The following PLEKHH1 variants were observed in gnomAD, a reference collection of about 807,000 sequenced individuals.
The protein encoded by PLEKHH1 is pleckstrin homology domain-containing family H member 1.
Under a neutral mutation model 160.0 loss-of-function variants are expected in PLEKHH1, and 104 were observed. The observed-to-expected ratio is 0.65, with a 90% confidence interval of 0.55 to 0.76. PLEKHH1 has a LOEUF of 0.76. PLEKHH1 is among the 30% of genes least tolerant of loss of function. The pLI is 0.00. For synonymous variants in PLEKHH1, 619 were observed against 678.4 expected, an observed-to-expected ratio of 0.91 and a Z score of 1.36; for missense variants, 1,427 against 1,724.1, an observed-to-expected ratio of 0.83 and a Z score of 3.05.
rs1369386560 is a variant in PLEKHH1, at chr14:67,582,968, G to T, written c.3426+758G>T. ...CTTCATAAACCATCAGACCTTCTAA[G>T]TAGACTTAGGAAGAGGAACACACAT... On this transcript the variant is annotated intron_variant, in intron 24 of 28. Coordinates refer to ENST00000329153, the MANE Select transcript of PLEKHH1 (RefSeq NM_020715.3). This position sits in a 1 kb window ranked among gnomAD's most constrained non-coding sequence, Gnocchi z 5.0. Among the ~76,000 whole-genome samples the T allele has an allele frequency of 1.3e-5, 2 of 152,194 alleles. No homozygotes were observed. Among genetic ancestry groups the T allele is most frequent in the Non-Finnish European group, 2.9e-5 (2 of 68,036 alleles).
chr14:67,567,998 C>T (rs924940539), intron 7 of PLEKHH1, among the ~76,000 whole-genome samples: 6 of 152,350 alleles, frequency 3.9e-5, no homozygotes, highest in Non-Finnish European at 7.3e-5. Context: ...GACCCAGGGG[C>T]CCCCTCAGGA....
rs1179528092 is a variant in PLEKHH1, at chr14:67,562,172, C to A, written c.541C>A (p.Pro181Thr). 1 of 1,610,702 alleles carries A rather than the reference C, an allele frequency of 6.2e-7. No homozygotes were observed. The highest frequency in any genetic ancestry group is 1.1e-5 in the South Asian group (1 of 90,744). ...AGCTCCTTCACGGAAGCTGCTGGTG[C>A]CCCCCTACGGAGCTGCAGAGCAGGA... ...QIAPSRKLLV[P>T]PYGAAEQDSV... is the part of the protein sequence containing the mutation. Residue 181 changes from proline to threonine, a missense_variant, in exon 7 of 29, where the codon CCC becomes ACC. Coordinates refer to ENST00000329153, the MANE Select transcript of PLEKHH1 (RefSeq NM_020715.3).
intron 4 of PLEKHH1, among the ~76,000 whole-genome samples, chr14:67,557,759 T>C (rs1459033711): frequency 6.6e-6 from 1 of 152,234 alleles, no homozygotes; most frequent in Admixed American, 6.5e-5. Context: ...AAACACCTCA[T>C]AGAGCTGCTG....
chr14:67,544,398 G>A (rs981569444), intron 2 of PLEKHH1, among the ~76,000 whole-genome samples: 1 of 152,118 alleles, frequency 6.6e-6, no homozygotes, highest in Non-Finnish European at 1.5e-5. Context: ...CCTCTCTGGA[G>A]ACACAAGACC....
In PLEKHH1 at chr14:67,587,327, C is replaced by A; in HGVS notation, c.*92C>A. On this transcript the variant is annotated 3_prime_UTR_variant, in exon 29 of 29. Transcript: ENST00000329153. Reference sequence around the variant, plus strand: ...TATGATACTACTGTGACGGGTCTAACAGCCCCCGGCTACTCTTGTTCTGTG... The same window carrying A: ...TATGATACTACTGTGACGGGTCTAAAAGCCCCCGGCTACTCTTGTTCTGTG... 1 of 1,367,808 alleles carries A rather than the reference C, an allele frequency of 7.3e-7. No individual in the cohort carries two copies. The highest frequency in any genetic ancestry group is 1.0e-6 in the Non-Finnish European group (1 of 955,890). The allele number at this position is 1,367,808 out of a possible 1,614,324, so 84.7% of individuals were successfully genotyped here. A position where few individuals can be genotyped will look rare whatever the true frequency, so the allele number is the denominator to read the frequency against.
chr14:67,587,139 C>A lies in PLEKHH1; in HGVS notation c.3999C>A (p.Pro1333=), dbSNP rs754449846. 37 of 1,613,856 alleles carry A rather than the reference C, an allele frequency of 2.3e-5. No homozygotes were observed. The African/African-American group carries it at 3.1e-4, about 13-fold the overall frequency. ...ATTGCACTACAACTGTGAACCCCCC[C>A]ACCAACCCACCCGGAGCCTGCCAGC... ...MNHCTTTVNP[P]TNPPGACQLW... Residue 1333 remains proline (P), a synonymous_variant, in exon 29 of 29, where the codon CCC becomes CCA. Coordinates refer to ENST00000329153, the MANE Select transcript of PLEKHH1 (RefSeq NM_020715.3).
At position 67,579,847 on chromosome 14, in the gene PLEKHH1, C is replaced by A; in HGVS notation, c.3154C>A (p.Leu1052Met). The A allele has an allele frequency of 6.2e-7, 1 of 1,605,472 alleles. No individual in the cohort carries two copies. The change falls in exon 22 of 29, where the codon CTG becomes ATG. Residue 1052 changes from leucine to methionine, a missense_variant. By Grantham distance (15) the Leu-to-Met change is conservative. Transcript: ENST00000329153. ...CACGGACGATCCCTCGGGCAGGGAC[C>A]TGGAGCACTGCCTGCAGGGAAGTGT... ...LFTDDPSGRD[L>M]EHCLQGSVKI... is the part of the protein sequence containing the mutation.
chr14:67,550,225 G>C (rs951087707), intron 2 of PLEKHH1, among the ~76,000 whole-genome samples: 4 of 150,608 alleles, frequency 2.7e-5, no homozygotes, highest in African/African-American at 9.8e-5. Context: ...GTCTCACTCT[G>C]TTGCCCAAGC....
rs760592257 is a variant in PLEKHH1 at position 67,541,909 on chromosome 14, G to A, written c.42G>A (p.Trp14Ter). The change falls in exon 2 of 29, where the codon TGG becomes TGA. Residue 14 changes from tryptophan (W) to a stop codon, truncating the protein, a stop_gained. Coordinates refer to ENST00000329153, the MANE Select transcript of PLEKHH1 (RefSeq NM_020715.3). LOFTEE classifies it high-confidence loss of function. ...TGGAGGCGCCGGCCAGCGTAGACTGGCAGAAACGCTGCCTGACCCTGGAAA... is the reference window on the plus strand; with the variant it reads ...TGGAGGCGCCGGCCAGCGTAGACTGACAGAAACGCTGCCTGACCCTGGAAA... ...LKVEAPASVD[W>*]QKRCLTLETQ... 16 of 1,604,642 alleles carry A rather than the reference G, an allele frequency of 1.0e-5. No individual in the cohort carries two copies. The highest frequency in any genetic ancestry group is 2.2e-5 in the East Asian group (1 of 44,522).
In PLEKHH1 at chr14:67,541,905, A is replaced by C. The variant is rs772068473; in HGVS notation, c.38A>C (p.Asp13Ala). The C allele has an allele frequency of 2.5e-6, 4 of 1,604,348 alleles. No homozygotes were observed. The Admixed American group carries it at 6.8e-5, about 27-fold the overall frequency. Reference sequence around the variant, plus strand: ...AAGGTGGAGGCGCCGGCCAGCGTAGACTGGCAGAAACGCTGCCTGACCCTG... The same window carrying C: ...AAGGTGGAGGCGCCGGCCAGCGTAGCCTGGCAGAAACGCTGCCTGACCCTG... ...ELKVEAPASV[D>A]WQKRCLTLET... is the part of the protein sequence containing the mutation. Residue 13 changes from aspartate to alanine, a missense_variant, in exon 2 of 29, where the codon GAC (aspartate) becomes GCC (alanine). Around this residue, in one of 6 missense-constraint regions of PLEKHH1, gnomAD observed 831 missense variants for 929.2 expected, o/e 0.89. Coordinates refer to ENST00000329153, the MANE Select transcript of PLEKHH1 (RefSeq NM_020715.3).
rs72721034 is a variant in PLEKHH1 at position 67,559,874 on chromosome 14, G to A, written c.423+183G>A. Among the ~76,000 whole-genome samples, 728 of 152,194 alleles carry A rather than the reference G, an allele frequency of 4.8e-3. 5 individuals are homozygous for A. The highest frequency in any genetic ancestry group is 7.6e-3 in the Non-Finnish European group (516 of 68,026). On this transcript the variant is annotated intron_variant, in intron 5 of 28. Coordinates refer to ENST00000329153, the MANE Select transcript of PLEKHH1 (RefSeq NM_020715.3). ...TTCACTTCCCCTTTCCTTTTGTCTTGGTTGGGTCTCCCTGGAGCTCCTGAC... is the reference window on the plus strand; with the variant it reads ...TTCACTTCCCCTTTCCTTTTGTCTTAGTTGGGTCTCCCTGGAGCTCCTGAC...
intron 7 of PLEKHH1, among the ~76,000 whole-genome samples, chr14:67,566,530 A>G (rs2035097439): frequency 6.6e-6 from 1 of 152,022 alleles, no homozygotes; most frequent in Non-Finnish European, 1.5e-5. Flanking sequence ...AGACTGCTTG[A>G]ACTCAGAAGT....
intron 2 of PLEKHH1, among the ~76,000 whole-genome samples, chr14:67,552,583 C>T (rs2034436140): frequency 6.6e-6 from 1 of 152,012 alleles, no homozygotes; most frequent in African/African-American, 2.4e-5. Flanking sequence ...TTGGCTAACA[C>T]GGTGAAACCC....
intron 1 of PLEKHH1, among the ~76,000 whole-genome samples, chr14:67,539,099 C>T (rs1396891360): frequency 5.3e-5 from 8 of 152,130 alleles, no homozygotes; most frequent in Admixed American, 3.9e-4. Context: ...AACTGAGTTG[C>T]GAGACTCCCA....
chr14:67,542,008 G>A lies in PLEKHH1; in HGVS notation c.126+15G>A. 6.3e-7 allele frequency: 1 copy of A among 1,588,576 alleles called. No homozygotes were observed. The highest frequency in any genetic ancestry group is 1.1e-5 in the South Asian group (1 of 87,002). On this transcript the variant is annotated intron_variant, in intron 2 of 28. Transcript: ENST00000329153. ...TGGCTGACAAGGTGAGTCCCTCAGA[G>A]CAGGGAGCTGCCTCTCCACACGCAG... is the stretch of plus-strand genomic sequence containing the variant.
At chr14:67,544,218 T>TTC (rs2034087550) in intron 2 of PLEKHH1, among the ~76,000 whole-genome samples, 5 of 152,176 alleles carry the variant, frequency 3.3e-5, no homozygotes, top group Non-Finnish European at 7.4e-5. Context: ...TGACAATAGC[T>TTC]TCTCAGACTT....
Position 67,579,746 on chromosome 14 carries a change from C to T in PLEKHH1, c.3053C>T (p.Thr1018Met), listed in dbSNP as rs775519422. ...GTGGTTGGTTTTGACGGCTCTTCCA[C>T]GGTTGATGAGTTCCTCCAGCGGCTG... is the stretch of plus-strand genomic sequence containing the variant. ...YHVVGFDGSS[T>M]VDEFLQRLNQ... is the part of the protein sequence containing the mutation. Residue 1018 changes from threonine to methionine, a missense_variant, in exon 22 of 29, where the codon ACG (threonine) becomes ATG (methionine). Physicochemically the swap from Thr to Met is moderately conservative, Grantham distance 81. Around this residue, in one of 6 missense-constraint regions of PLEKHH1, gnomAD observed 436 missense variants for 607.5 expected, o/e 0.72. Transcript: ENST00000329153. 4.6e-5 allele frequency: 74 copies of T among 1,612,676 alleles called. No individual in the cohort carries two copies. Among genetic ancestry groups the T allele is most frequent in the South Asian group, 1.5e-4 (14 of 90,586 alleles).
intron 2 of PLEKHH1, among the ~76,000 whole-genome samples, chr14:67,543,019 C>T (rs1464047963): frequency 6.6e-6 from 1 of 152,192 alleles, no homozygotes; most frequent in Non-Finnish European, 1.5e-5. Context: ...CTGGAAGATA[C>T]ATTCTAAACT....
At chr14:67,565,885 T>A (rs2035065584) in intron 7 of PLEKHH1, among the ~76,000 whole-genome samples, 1 of 151,934 alleles carries the variant, frequency 6.6e-6, no homozygotes, top group Non-Finnish European at 1.5e-5. Context: ...TTTGGGAGGC[T>A]GAGGCAGGCA....
Sources: gnomAD v4.1 joint callset for allele counts (sites outside exome capture counted in the v4.1 genomes callset) on GRCh38, gnomAD v4.1.1 for gene constraint, gnomAD v4.1.1 regional missense constraint, Gnocchi (gnomAD v3.1) non-coding constraint, MANE v1.5 for transcripts, NCBI Gene and HGNC (gene_info 2026-07-23, HGNC 2026-07-21) for gene names.